The following CLYBL variants were observed in gnomAD, a reference collection of about 807,000 sequenced individuals.
CLYBL encodes citramalyl-CoA lyase, mitochondrial.
A neutral mutation model predicts 38.9 loss-of-function variants in CLYBL; 31 were observed. The ratio of observed to expected loss-of-function variants is 0.80; its 90% CI spans 0.60 to 1.08. CLYBL has a LOEUF of 1.08. Among genes scored for constraint, CLYBL ranks in the 50% least tolerant of loss-of-function variants. CLYBL has a pLI of 0.00. For synonymous variants in CLYBL, 171 were observed against 158.6 expected (o/e 1.08, Z -0.59); for missense variants, 434 against 411.6 (o/e 1.05, Z -0.47).
chr13:99,761,743 AT>A (rs1440635357), intron 1 of CLYBL, among the ~76,000 whole-genome samples: 3 of 152,226 alleles, frequency 2.0e-5, no homozygotes, highest in African/African-American at 7.2e-5. Context: ...AGGAACCTCA[AT>A]ACTGTTCTCC....
chr13:99,827,497 TC>T (rs2050718279), intron 2 of CLYBL, among the ~76,000 whole-genome samples: 1 of 151,982 alleles, frequency 6.6e-6, no homozygotes, highest in Admixed American at 6.6e-5. Flanking sequence ...TGGCCCATCA[TC>T]CCCGCTGCAG....
intron 2 of CLYBL, among the ~76,000 whole-genome samples, chr13:99,819,442 AT>A (rs1566340135): frequency 0.024 from 2,090 of 87,732 alleles, 221 homozygotes; most frequent in African/African-American, 0.072. Flanking sequence ...ATATATATAT[AT>A]ATATATATAT....
chr13:99,649,942 C>A (rs1246804599), intron 1 of CLYBL, among the ~76,000 whole-genome samples: 1 of 151,590 alleles, frequency 6.6e-6, no homozygotes, highest in African/African-American at 2.4e-5. Flanking sequence ...TATAGCAAGA[C>A]CTCATCCCTA....
At chr13:99,775,700 G>A (rs1316918261) in intron 2 of CLYBL, among the ~76,000 whole-genome samples, 1 of 151,668 alleles carries the variant, frequency 6.6e-6, no homozygotes, top group Non-Finnish European at 1.5e-5. Flanking sequence ...GTAGAGATAG[G>A]GTCTTGCTGT....
chr13:99,721,544 T>G (rs916730330), intron 1 of CLYBL, among the ~76,000 whole-genome samples: 2 of 152,004 alleles, frequency 1.3e-5, no homozygotes, highest in African/African-American at 2.4e-5. Context: ...TTGTAACATA[T>G]GTATGCATAT....
intron 2 of CLYBL, among the ~76,000 whole-genome samples, chr13:99,819,579 G>C (rs2050545945): frequency 6.6e-6 from 1 of 150,720 alleles, no homozygotes; most frequent in African/African-American, 2.4e-5. Flanking sequence ...GGAAAGTTCT[G>C]CGATCTGCTG....
intron 3 of CLYBL, 63 bp downstream of exon 3, chr13:99,859,112 G>C: frequency 7.3e-7 from 1 of 1,366,318 alleles, no homozygotes; most frequent in Non-Finnish European, 1.0e-6. Context: ...CAGGAAGAAG[G>C]GATCTGGGTG....
In CLYBL at chr13:99,838,396, T is replaced by C. The variant is rs560907343; in HGVS notation, c.250-20465T>C. Among the ~76,000 whole-genome samples, 8 of 152,270 alleles carry C rather than the reference T, an allele frequency of 5.3e-5. 1 individual carries two copies. In the South Asian group the frequency reaches 1.7e-3, roughly 32 times the overall value. ...GGAGGGTTATACAGAGAATGTTGGA[T>C]GTTAAAGCCAGAAAGAACCTTAGAG... On this transcript the variant is annotated intron_variant, in intron 2 of 8. Transcript: ENST00000339105.
intron 5 of CLYBL, 140 bp from the exon 6 acceptor site, chr13:99,866,100 G>A (rs1298254395): frequency 1.2e-6 from 1 of 821,652 alleles, no homozygotes; most frequent in African/African-American, 1.7e-5. Flanking sequence ...GTCTTCATTT[G>A]TATTTCAATA....
intron 1 of CLYBL, among the ~76,000 whole-genome samples, chr13:99,720,891 T>A (rs1211814683): frequency 6.6e-6 from 1 of 152,222 alleles, no homozygotes; most frequent in African/African-American, 2.4e-5. Flanking sequence ...TGAAAACATC[T>A]CAGTCATAAG....
chr13:99,647,413 A>C (rs1270473775), intron 1 of CLYBL, among the ~76,000 whole-genome samples: 1 of 151,808 alleles, frequency 6.6e-6, no homozygotes, highest in Non-Finnish European at 1.5e-5. Context: ...CAAAATCTAC[A>C]TCTGTCACAC....
intron 2 of CLYBL, among the ~76,000 whole-genome samples, chr13:99,774,408 A>C (rs1275831319): frequency 6.6e-6 from 1 of 152,220 alleles, no homozygotes; most frequent in Non-Finnish European, 1.5e-5. Flanking sequence ...TCATTATAAC[A>C]ATAACTTACA....
At chr13:99,814,696 C>A (rs1174944007) in intron 2 of CLYBL, among the ~76,000 whole-genome samples, 2 of 150,282 alleles carry the variant, frequency 1.3e-5, no homozygotes, top group South Asian at 2.1e-4. Flanking sequence ...CCACTGTATT[C>A]CAGACTGGGC....
chr13:99,759,092 A>G (rs2049118347), intron 1 of CLYBL, among the ~76,000 whole-genome samples: 1 of 152,212 alleles, frequency 6.6e-6, no homozygotes, highest in African/African-American at 2.4e-5. Context: ...ACTAAGGGGC[A>G]CCTTTTTCCA....
chr13:99,882,484 A>G (rs909988315), intron 7 of CLYBL, among the ~76,000 whole-genome samples: 5 of 152,072 alleles, frequency 3.3e-5, no homozygotes, highest in African/African-American at 1.2e-4. Flanking sequence ...GCAAAACCCC[A>G]TCTCTACTAA....
At chr13:99,761,308 G>C (rs753203968) in intron 1 of CLYBL, among the ~76,000 whole-genome samples, 1 of 152,162 alleles carries the variant, frequency 6.6e-6, no homozygotes, top group Non-Finnish European at 1.5e-5. Context: ...AGCCAAGATC[G>C]TGCCACTCCA....
intron 1 of CLYBL, among the ~76,000 whole-genome samples, chr13:99,701,980 C>T (rs951125926): frequency 3.3e-5 from 5 of 152,180 alleles, no homozygotes; most frequent in African/African-American, 1.2e-4. Flanking sequence ...AAGTGATACC[C>T]CCTCTCCCCT....
At position 99,741,665 on chromosome 13, in the gene CLYBL, C is replaced by T. The variant is rs115800446; in HGVS notation, c.63-31159C>T. 2.3e-3 allele frequency among the ~76,000 whole-genome samples: 344 copies of T among 152,300 alleles called. 1 individual carries two copies. The highest frequency in any genetic ancestry group is 6.7e-3 in the African/African-American group (279 of 41,556). Reference sequence around the variant, plus strand: ...CGCGTTCAAGTATTTGTAGTAGAGACGGGGTTTTGCCATGTTGCCCAGGCT... The same window carrying T: ...CGCGTTCAAGTATTTGTAGTAGAGATGGGGTTTTGCCATGTTGCCCAGGCT... On this transcript the variant is annotated intron_variant, in intron 1 of 8. Coordinates refer to ENST00000339105, the MANE Select transcript of CLYBL (RefSeq NM_206808.5).
intron 2 of CLYBL, among the ~76,000 whole-genome samples, chr13:99,817,483 G>A (rs536353242): frequency 1.1e-4 from 16 of 151,676 alleles, no homozygotes; most frequent in Admixed American, 3.3e-4. Flanking sequence ...ACGAAACCCC[G>A]TCTCTACTAA....
Sources: allele counts gnomAD v4.1 joint callset (sites outside exome capture counted in the v4.1 genomes callset), GRCh38; gene constraint gnomAD v4.1.1; transcripts MANE v1.5; gene names NCBI Gene and HGNC (gene_info 2026-07-23, HGNC 2026-07-21).